Variants in FBXL17 observed in about 807,000 individuals in gnomAD.
FBXL17 encodes the protein F-box and leucine rich repeat protein 17.
FBXL17 carries 22 observed loss-of-function variants against 66.2 expected under a neutral mutation model. The ratio of observed to expected loss-of-function variants is 0.33; its 90% confidence interval spans 0.24 to 0.47. FBXL17 has a LOEUF of 0.47. Ranked by LOEUF, FBXL17 falls within the 20% of genes least tolerant of loss-of-function variation. The pLI is 1.00. For missense variants in FBXL17, 878 were observed against 948.2 expected, an observed-to-expected ratio of 0.93 and a Z score of 0.97; for synonymous variants, 474 against 400.5, an observed-to-expected ratio of 1.18 and a Z score of -2.19.
chr5:107,907,521 G>A lies in FBXL17; in HGVS notation c.1823-26342C>T, dbSNP rs373362593. 3.3e-5 allele frequency among the ~76,000 whole-genome samples: 5 copies of A among 152,120 alleles called. No individual in the cohort carries two copies. The East Asian group carries it at 9.7e-4, about 29-fold the overall frequency. On this transcript the variant is annotated intron_variant, in intron 7 of 8. Coordinates refer to ENST00000542267, the MANE Select transcript of FBXL17 (RefSeq NM_001163315.3). ...TGGAGCCAACCAAGCTACAAAATGGGAGAAAATTTTTGCAACCTACTCATC... is the reference window on the plus strand; with the variant it reads ...TGGAGCCAACCAAGCTACAAAATGGAAGAAAATTTTTGCAACCTACTCATC...
chr5:108,206,174 T>A (rs938589770), intron 5 of FBXL17, among the ~76,000 whole-genome samples: 1 of 152,188 alleles, frequency 6.6e-6, no homozygotes, highest in African/African-American at 2.4e-5. Flanking sequence ...TCTAATTCTA[T>A]CATTCCTCTT....
intron 4 of FBXL17, among the ~76,000 whole-genome samples, chr5:108,293,131 T>C (rs552421594): frequency 2.0e-5 from 3 of 151,344 alleles, no homozygotes; most frequent in East Asian, 3.9e-4. Flanking sequence ...ACTTGTTGAA[T>C]AGAAACAGTA....
chr5:108,367,535 G>C (rs1748743655), intron 2 of FBXL17, among the ~76,000 whole-genome samples: 1 of 151,968 alleles, frequency 6.6e-6, no homozygotes, highest in Admixed American at 6.6e-5. Context: ...ACTATTTGTA[G>C]TATGATCCCC....
intron 7 of FBXL17, among the ~76,000 whole-genome samples, chr5:107,915,475 T>C (rs977361207): frequency 1.4e-4 from 21 of 152,326 alleles, no homozygotes; most frequent in African/African-American, 5.1e-4. Flanking sequence ...GTTTATTCTT[T>C]ATATGTGAAG....
At chr5:108,347,158 A>G (rs1184689472) in intron 4 of FBXL17, among the ~76,000 whole-genome samples, 1 of 152,186 alleles carries the variant, frequency 6.6e-6, no homozygotes, top group Non-Finnish European at 1.5e-5. Context: ...ACAAACCTAG[A>G]GCATACAGAA....
chr5:107,897,960 G>A (rs1580693810), intron 7 of FBXL17, among the ~76,000 whole-genome samples: 1 of 152,130 alleles, frequency 6.6e-6, no homozygotes, highest in Admixed American at 6.6e-5. Flanking sequence ...AGGATTTCAA[G>A]ATGAGGATCT....
rs137864234 is a variant in FBXL17 at position 107,952,370 on chromosome 5, A to AC, written c.1822+68554dup. Among the ~76,000 whole-genome samples the AC allele has an allele frequency of 4.3e-3, 659 of 152,330 alleles. 5 individuals are homozygous for AC. Among genetic ancestry groups the AC allele is most frequent in the African/African-American group, 0.015 (634 of 41,578 alleles). ...ATTTTCTACATCTGCCTCCACTATA[A>AC]CTGAAACTATTTCAGTATCATCTTT... On this transcript the variant is annotated intron_variant, in intron 7 of 8. Transcript: ENST00000542267.
intron 7 of FBXL17, among the ~76,000 whole-genome samples, chr5:108,003,307 C>T (rs1753805699): frequency 6.6e-6 from 1 of 152,154 alleles, no homozygotes; most frequent in Admixed American, 6.5e-5. Flanking sequence ...GTAGTCCAAA[C>T]TGCCCAAGAA....
intron 4 of FBXL17, among the ~76,000 whole-genome samples, chr5:108,309,904 T>C (rs927415977): frequency 1.3e-5 from 2 of 152,060 alleles, no homozygotes; most frequent in Non-Finnish European, 1.5e-5. Flanking sequence ...TCTACTTACA[T>C]TTGCAACAAG....
chr5:108,320,845 T>C (rs1580811001), intron 4 of FBXL17, among the ~76,000 whole-genome samples: 1 of 151,814 alleles, frequency 6.6e-6, no homozygotes, highest in Non-Finnish European at 1.5e-5. Flanking sequence ...TTAAAACAAA[T>C]TCGCTTTGTA....
At chr5:108,131,752 T>G (rs1369297407) in intron 6 of FBXL17, among the ~76,000 whole-genome samples, 2 of 152,150 alleles carry the variant, frequency 1.3e-5, no homozygotes, top group African/African-American at 4.8e-5. Context: ...CTACAGTAAT[T>G]ATGGTTTCAT....
chr5:108,195,582 AT>A (rs1753646181), intron 5 of FBXL17, among the ~76,000 whole-genome samples: 1 of 152,186 alleles, frequency 6.6e-6, no homozygotes, highest in Non-Finnish European at 1.5e-5. Flanking sequence ...CCTCTGGAGG[AT>A]TTTGAACAGG....
chr5:108,140,686 C>T (rs1330829015), intron 6 of FBXL17, among the ~76,000 whole-genome samples: 1 of 152,140 alleles, frequency 6.6e-6, no homozygotes, highest in Admixed American at 6.5e-5. Flanking sequence ...TCCTGAATGC[C>T]TGGCTCAGAT....
chr5:108,368,770 A>G (rs901948528), intron 1 of FBXL17, among the ~76,000 whole-genome samples: 6 of 152,158 alleles, frequency 3.9e-5, no homozygotes, highest in Non-Finnish European at 5.9e-5. Context: ...AGAAGAAAAT[A>G]AAATCAGGGG....
Position 108,288,915 on chromosome 5 carries a change from T to G in FBXL17, c.1506+59484A>C, listed in dbSNP as rs541645021. ...TTTAATTACTTGAATGAAGTAAAAC[T>G]ACATGAAGCAATGCTGATGACATCT... On this transcript the variant is annotated intron_variant, in intron 4 of 8. Coordinates refer to ENST00000542267, the MANE Select transcript of FBXL17 (RefSeq NM_001163315.3). Among the ~76,000 whole-genome samples, 5 of 152,218 alleles carry G rather than the reference T, an allele frequency of 3.3e-5. No homozygotes were observed. In the East Asian group the frequency reaches 7.7e-4, roughly 23 times the overall value.
intron 6 of FBXL17, among the ~76,000 whole-genome samples, chr5:108,082,419 C>T (rs1363611190): frequency 2.6e-5 from 4 of 152,140 alleles, no homozygotes; most frequent in Non-Finnish European, 1.5e-5. Context: ...TCAATAAGTG[C>T]TTAGAATAAC....
intron 4 of FBXL17, among the ~76,000 whole-genome samples, chr5:108,345,099 C>T (rs1747184682): frequency 2.0e-5 from 3 of 152,056 alleles, no homozygotes; most frequent in African/African-American, 4.8e-5. Flanking sequence ...CTTTGGGAGG[C>T]CGAGGTGGGC....
At position 108,370,764 on chromosome 5, in the gene FBXL17, T is replaced by C. The variant is rs1358211596; in HGVS notation, c.994-2811A>G. 2.7e-5 allele frequency among the ~76,000 whole-genome samples: 4 copies of C among 149,954 alleles called. No homozygotes were observed. In the East Asian group the frequency reaches 5.9e-4, roughly 22 times the overall value. On this transcript the variant is annotated intron_variant, in intron 1 of 8. Coordinates refer to ENST00000542267, the MANE Select transcript of FBXL17 (RefSeq NM_001163315.3). Reference sequence around the variant, plus strand: ...TCTCGGAAAAAAAAAAAAAAAATCATGAAAGTCACTAGCGAATTTGTCTCC... The same window carrying C: ...TCTCGGAAAAAAAAAAAAAAAATCACGAAAGTCACTAGCGAATTTGTCTCC...
intron 7 of FBXL17, among the ~76,000 whole-genome samples, chr5:107,909,200 G>A (rs1749866880): frequency 6.6e-6 from 1 of 152,096 alleles, no homozygotes; most frequent in East Asian, 1.9e-4. Flanking sequence ...CCGTTTTGAA[G>A]GCTCATTATT....
Sources: gnomAD v4.1 joint callset for allele counts (sites outside exome capture counted in the v4.1 genomes callset) on GRCh38, gnomAD v4.1.1 for gene constraint, MANE v1.5 for transcripts, NCBI Gene and HGNC (gene_info 2026-07-23, HGNC 2026-07-21) for gene names.